The following DNAI3 variants were observed in gnomAD, a reference collection of about 807,000 sequenced individuals.
The protein encoded by DNAI3 is WD repeat domain 63.
Under a neutral mutation model 115.5 loss-of-function variants are expected in DNAI3, and 83 were observed. That is an observed-to-expected ratio of 0.72 (90% CI 0.60 to 0.86). DNAI3 has a LOEUF of 0.86. Among genes scored for constraint, DNAI3 ranks in the 40% least tolerant of loss-of-function variants. DNAI3 has a pLI of 0.00. For missense variants in DNAI3, 1,004 were observed against 1,075.8 expected (o/e 0.93, Z 0.93); for synonymous variants, 320 against 347.0 (o/e 0.92, Z 0.86).
intron 8 of DNAI3, 131 bp downstream of exon 8, chr1:85,090,363 C>A (rs1654936257): frequency 4.3e-6 from 2 of 468,296 alleles, no homozygotes; most frequent in South Asian, 1.0e-4. Flanking sequence ...GTCAGTGTGA[C>A]ACATTCTACA....
At chr1:85,108,566 A>G (rs574712346) in intron 15 of DNAI3, among the ~76,000 whole-genome samples, 1 of 152,336 alleles carries the variant, frequency 6.6e-6, no homozygotes, top group Admixed American at 6.5e-5. Flanking sequence ...AACTGTGCCA[A>G]TAACAATGAT....
At chr1:85,072,720 C>A (rs1307310433) in intron 2 of DNAI3, among the ~76,000 whole-genome samples, 1 of 150,822 alleles carries the variant, frequency 6.6e-6, no homozygotes, top group Admixed American at 6.6e-5. Context: ...CTTTGGGAGG[C>A]CAAGGTGGAC....
intron 13 of DNAI3, among the ~76,000 whole-genome samples, chr1:85,101,847 GA>G (rs1277284164): frequency 4.0e-5 from 6 of 149,486 alleles, no homozygotes; most frequent in Admixed American, 6.7e-5. Flanking sequence ...AATGTTGAAA[GA>G]AATCAGAAAG....
At chr1:85,120,467 C>T (rs1291198993) in intron 17 of DNAI3, among the ~76,000 whole-genome samples, 1 of 152,206 alleles carries the variant, frequency 6.6e-6, no homozygotes, top group Admixed American at 6.5e-5. Context: ...TAGAGGTTTC[C>T]AGCTAGGTGA....
At chr1:85,127,531 C>G (rs933034667) in intron 20 of DNAI3, among the ~76,000 whole-genome samples, 2 of 152,128 alleles carry the variant, frequency 1.3e-5, no homozygotes, top group East Asian at 3.8e-4. Flanking sequence ...ACCACTGTAA[C>G]CCACCTGCCT....
At chr1:85,078,418 A>T (rs1654529637) in intron 3 of DNAI3, among the ~76,000 whole-genome samples, 2 of 152,230 alleles carry the variant, frequency 1.3e-5, no homozygotes, top group Non-Finnish European at 1.5e-5. Context: ...CCTCGCAGAC[A>T]TTGTCCTTGT....
At position 85,108,110 on chromosome 1, in the gene DNAI3, T is replaced by C. The variant is rs780446076; in HGVS notation, c.1631T>C (p.Ile544Thr). 6.2e-7 allele frequency: 1 copy of C among 1,610,736 alleles called. No homozygotes were observed. The highest frequency in any genetic ancestry group is 8.5e-7 in the Non-Finnish European group (1 of 1,178,542). ...QTTEKKKEES[I>T]EIPFDVPSTF... ...ACAGAGAAAAAGAAGGAGGAAAGTA[T>C]TGAAATTCCTTTTGATGTACCATCT... The change falls in exon 15 of 23, where the codon ATT becomes ACT. Residue 544 changes from isoleucine to threonine, a missense_variant. Transcript: ENST00000294664.
chr1:85,113,224 TA>T (rs1156731818), intron 16 of DNAI3, among the ~76,000 whole-genome samples: 1 of 152,242 alleles, frequency 6.6e-6, no homozygotes. Context: ...CAGAAGTTTT[TA>T]ATTTTGAGGA....
At chr1:85,110,178 G>A (rs372629418) in intron 16 of DNAI3, 43 bp downstream of exon 16, 757 of 1,521,624 alleles carry the variant, frequency 5.0e-4, no homozygotes, top group Admixed American at 9.0e-4. Context: ...AAGGCCGGGC[G>A]CGGTGGCTCA....
chr1:85,080,503 T>A (rs1017533883), intron 3 of DNAI3, among the ~76,000 whole-genome samples: 10 of 152,138 alleles, frequency 6.6e-5, no homozygotes, highest in Non-Finnish European at 1.5e-4. Context: ...CCCATTTTGA[T>A]TAGCAGGTGG....
chr1:85,076,924 G>A (rs1180123563), intron 3 of DNAI3, among the ~76,000 whole-genome samples: 1 of 152,170 alleles, frequency 6.6e-6, no homozygotes, highest in East Asian at 1.9e-4. Context: ...TTTAGTGACT[G>A]TGTGGCCACA....
At chr1:85,085,774 A>G in intron 6 of DNAI3, 57 bp from the exon 7 acceptor site, 2 of 1,509,922 alleles carry the variant, frequency 1.3e-6, no homozygotes, top group Non-Finnish European at 1.8e-6. Flanking sequence ...GAGTACCAAC[A>G]TTGCCTACAC....
intron 2 of DNAI3, among the ~76,000 whole-genome samples, chr1:85,072,404 G>A (rs891814394): frequency 2.0e-5 from 3 of 152,194 alleles, no homozygotes; most frequent in African/African-American, 7.2e-5. Flanking sequence ...AGCACTTTGG[G>A]AGGCCGAGGC....
chr1:85,072,968 A>G (rs1654330601), intron 2 of DNAI3, 86 bp from the exon 3 acceptor site: 1 of 836,160 alleles, frequency 1.2e-6, no homozygotes, highest in African/African-American at 1.8e-5. Context: ...AAAAAAAAAA[A>G]AAAAAAGAAG....
At chr1:85,067,742 G>C (rs1654141558) in intron 1 of DNAI3, among the ~76,000 whole-genome samples, 1 of 152,186 alleles carries the variant, frequency 6.6e-6, no homozygotes, top group Non-Finnish European at 1.5e-5. Flanking sequence ...TGCTATGTGA[G>C]ACTTAACTCT....
At chr1:85,091,838 G>A (rs983408450) in intron 8 of DNAI3, among the ~76,000 whole-genome samples, 7 of 152,104 alleles carry the variant, frequency 4.6e-5, no homozygotes, top group East Asian at 1.9e-4. Flanking sequence ...GCAAGAAACC[G>A]GAAACCAGAA....
chr1:85,075,111 T>C (rs903493401), intron 3 of DNAI3, among the ~76,000 whole-genome samples: 3 of 152,184 alleles, frequency 2.0e-5, no homozygotes, highest in Non-Finnish European at 4.4e-5. Context: ...CCAGGCTGTC[T>C]TGAACTCCTG....
intron 13 of DNAI3, among the ~76,000 whole-genome samples, chr1:85,102,513 G>A (rs1247763860): frequency 6.6e-6 from 1 of 152,102 alleles, no homozygotes; most frequent in African/African-American, 2.4e-5. Context: ...GAAATTAATA[G>A]TAAGGCAACA....
intron 9 of DNAI3, chr1:85,094,223 T>G: frequency 1.6e-6 from 1 of 615,504 alleles, no homozygotes; most frequent in Non-Finnish European, 2.9e-6. Context: ...TAACAGTACA[T>G]GTCAGTTTGG....
Sources: gnomAD v4.1 joint callset for allele counts (sites outside exome capture counted in the v4.1 genomes callset) on GRCh38, gnomAD v4.1.1 for gene constraint, MANE v1.5 for transcripts, NCBI Gene and HGNC (gene_info 2026-07-23, HGNC 2026-07-21) for gene names.